CHD6: variants seen among roughly 807,000 people sequenced by gnomAD.
CHD6 encodes the protein chromodomain helicase DNA binding protein 6.
Under a neutral mutation model 276.9 loss-of-function variants are expected in CHD6, and 50 were observed. The ratio of observed to expected loss-of-function variants is 0.18; its 90% CI spans 0.14 to 0.23. CHD6 has a LOEUF of 0.23. Ranked by LOEUF, CHD6 falls within the 10% of genes least tolerant of loss-of-function variation. The pLI is 1.00. For synonymous variants in CHD6, 1,173 were observed against 1,229.3 expected (o/e 0.95, Z 0.96); for missense variants, 2,564 against 3,365.8 (o/e 0.76, Z 5.89).
At chr20:41,476,050 A>G (rs1218000416) in intron 16 of CHD6, among the ~76,000 whole-genome samples, 2 of 152,278 alleles carry the variant, frequency 1.3e-5, no homozygotes, top group East Asian at 1.9e-4. Context: ...TTTGAGCCAG[A>G]TCCTCTGGCC....
chr20:41,420,749 A>G lies in CHD6; in HGVS notation c.5886T>C (p.Ala1962=). ...NDEFEIEKPK[A]YIPDLFKSKT... ...TACTTTTGAACAGATCTGGGATATA[A>G]GCCTTGGGTTTCTCGATTTCAAATT... Residue 1962 remains alanine, a synonymous_variant, in exon 31 of 37, where the codon GCT becomes GCC. Coordinates refer to ENST00000373233, the MANE Select transcript of CHD6 (RefSeq NM_032221.5). The G allele has an allele frequency of 6.2e-7, 1 of 1,614,224 alleles. No homozygotes were observed.
Position 41,421,275 on chromosome 20 carries a change from T to G in CHD6, c.5360A>C (p.Glu1787Ala). The change falls in exon 31 of 37, where the codon GAA (glutamate) becomes GCA (alanine). Residue 1787 changes from glutamate (E) to alanine (A), a missense_variant. Around this residue, in one of 7 missense-constraint regions of CHD6, gnomAD observed 1,024 missense variants for 1,047.9 expected, o/e 0.98. Coordinates refer to ENST00000373233, the MANE Select transcript of CHD6 (RefSeq NM_032221.5). ...TGCCTCACTGCAGCAGAGCTCCCCTTCCTTTGAAATAGACATCAACAAATG... is the reference window on the plus strand; with the variant it reads ...TGCCTCACTGCAGCAGAGCTCCCCTGCCTTTGAAATAGACATCAACAAATG... ...GKHLLMSISK[E>A]GELCCSEAGQ... 6.2e-7 allele frequency: 1 copy of G among 1,614,104 alleles called. No homozygotes were observed. Among genetic ancestry groups the G allele is most frequent in the Non-Finnish European group, 8.5e-7 (1 of 1,180,026 alleles).
intron 1 of CHD6, among the ~76,000 whole-genome samples, chr20:41,611,683 C>T (rs1568733513): frequency 6.6e-6 from 1 of 151,854 alleles, no homozygotes; most frequent in Non-Finnish European, 1.5e-5. Context: ...AGTGCGATGG[C>T]GTGATCTCAG....
chr20:41,554,572 A>G (rs1402006622), intron 1 of CHD6, among the ~76,000 whole-genome samples: 1 of 151,058 alleles, frequency 6.6e-6, no homozygotes, highest in Non-Finnish European at 1.5e-5. Flanking sequence ...GGTATTTGAG[A>G]TTAGGGAGTG....
At position 41,417,236 on chromosome 20, in the gene CHD6, G is replaced by A; in HGVS notation, c.6241C>T (p.Gln2081Ter). Reference sequence around the variant, plus strand: ...GAGAAGGAATAGAGAGTTTTCTCCTGTAGCAGCTGAGCAATAGTGGGAGCT... The same window carrying A: ...GAGAAGGAATAGAGAGTTTTCTCCTATAGCAGCTGAGCAATAGTGGGAGCT... ...ARAPTIAQLL[Q>*]EKTLYSFSEW... Residue 2081 changes from glutamine to a stop codon, truncating the protein, a stop_gained, in exon 32 of 37, where the codon CAG (glutamine) becomes TAG (stop). Coordinates refer to ENST00000373233, the MANE Select transcript of CHD6 (RefSeq NM_032221.5). LOFTEE classifies it high-confidence loss of function. 6.2e-7 allele frequency: 1 copy of A among 1,614,128 alleles called. No homozygotes were observed. Among genetic ancestry groups the A allele is most frequent in the Non-Finnish European group, 8.5e-7 (1 of 1,180,004 alleles).
At chr20:41,414,938 G>T in intron 34 of CHD6, 3 of 1,353,920 alleles carry the variant, frequency 2.2e-6, no homozygotes, top group Non-Finnish European at 2.8e-6. Context: ...GAGCGGGGTT[G>T]TTCCTATTTG....
chr20:41,426,100 G>T lies in CHD6; in HGVS notation c.4122C>A (p.Ser1374Arg). The T allele has an allele frequency of 6.2e-7, 1 of 1,609,870 alleles. No homozygotes were observed. The highest frequency in any genetic ancestry group is 8.5e-7 in the Non-Finnish European group (1 of 1,176,148). Residue 1374 changes from serine (S) to arginine (R), a missense_variant, in exon 28 of 37, where the codon AGC (serine) becomes AGA (arginine). By Grantham distance (110) the Ser-to-Arg change is moderately radical. Around this residue, in one of 7 missense-constraint regions of CHD6, gnomAD observed 515 missense variants for 739.5 expected, o/e 0.70. Coordinates refer to ENST00000373233, the MANE Select transcript of CHD6 (RefSeq NM_032221.5). Reference sequence around the variant, plus strand: ...AGAAGGACATAGTCTCACCTGCCCGGCTGTCATCCTTCTTTTCGCTAAAAA... The same window carrying T: ...AGAAGGACATAGTCTCACCTGCCCGTCTGTCATCCTTCTTTTCGCTAAAAA... ...DGVFSEKKDD[S>R]RAAQDGSDPD... is the part of the protein sequence containing the mutation.
At chr20:41,556,162 G>T (rs1038891337) in intron 1 of CHD6, among the ~76,000 whole-genome samples, 1 of 152,170 alleles carries the variant, frequency 6.6e-6, no homozygotes, top group South Asian at 2.1e-4. Context: ...TGAGGCAGGA[G>T]AATCAGGCAG....
In CHD6 at chr20:41,590,349, C is replaced by T. The variant is rs906516076; in HGVS notation, c.-24+27991G>A. Among the ~76,000 whole-genome samples, 217 of 152,166 alleles carry T rather than the reference C, an allele frequency of 1.4e-3. 2 individuals are homozygous for T. The highest frequency in any genetic ancestry group is 5.1e-3 in the African/African-American group (211 of 41,506). On this transcript the variant is annotated intron_variant, in intron 1 of 36. Transcript: ENST00000373233. ...ACACCAAAAGCAATGGCAACAAAAG[C>T]CAAAATTGACAAATGGGAAGTAATT...
At chr20:41,534,561 AGAAAG>A in intron 2 of CHD6, among the ~76,000 whole-genome samples, 1 of 149,728 alleles carries the variant, frequency 6.7e-6, no homozygotes. Flanking sequence ...AAAAGATGAA[AGAAAG>A]GAAAGATTTT....
chr20:41,485,944 TA>T (rs1246370657), intron 14 of CHD6: 4 of 152,122 alleles, frequency 2.6e-5, no homozygotes, highest in Non-Finnish European at 4.4e-5. Context: ...TTTTGTCGAT[TA>T]AAAAAATAAA....
chr20:41,510,995 T>C (rs181165578), intron 5 of CHD6, among the ~76,000 whole-genome samples: 19 of 152,334 alleles, frequency 1.2e-4, no homozygotes, highest in South Asian at 4.1e-4. Flanking sequence ...AAATCAACTG[T>C]TATATGCTAG....
intron 18 of CHD6, 38 bp downstream of exon 18, chr20:41,457,226 T>C (rs1445408260): frequency 6.3e-7 from 1 of 1,591,870 alleles, no homozygotes; most frequent in East Asian, 2.3e-5. Context: ...GTGCGACCAA[T>C]GTTCCTTAAG....
At chr20:41,542,223 A>G (rs2044956449) in intron 2 of CHD6, among the ~76,000 whole-genome samples, 1 of 152,230 alleles carries the variant, frequency 6.6e-6, no homozygotes. Flanking sequence ...TAGGACAAGT[A>G]GATGCTGAAC....
intron 1 of CHD6, among the ~76,000 whole-genome samples, chr20:41,605,767 C>CAAAA (rs11467155): frequency 0.39 from 58,697 of 151,636 alleles, 14,231 homozygotes; most frequent in African/African-American, 0.67. Context: ...GTAAAATTGA[C>CAAAA]AAAATTTCAT....
intron 31 of CHD6, 77 bp downstream of exon 31, chr20:41,420,429 ACT>A (rs2047147014): frequency 6.9e-7 from 1 of 1,445,256 alleles, no homozygotes; most frequent in Non-Finnish European, 9.3e-7. Flanking sequence ...AATATGAAGC[ACT>A]CTCTCCCCTA....
Position 41,533,130 on chromosome 20 carries a change from C to G in CHD6, c.474G>C (p.Arg158=). ...TGGCCTCCTTGGTGCCCGAGGCCTC[C>G]CGGGGCTTCCGTGCCTTCTTTGCCC... ...KDGAKKARKP[R]EASGTKEAKE... is the part of the protein sequence containing the mutation. Residue 158 remains arginine, a synonymous_variant, in exon 3 of 37, where the codon CGG becomes CGC. Coordinates refer to ENST00000373233, the MANE Select transcript of CHD6 (RefSeq NM_032221.5). 1 of 1,614,204 alleles carries G rather than the reference C, an allele frequency of 6.2e-7. No homozygotes were observed. Among genetic ancestry groups the G allele is most frequent in the South Asian group, 1.1e-5 (1 of 91,084 alleles).
chr20:41,427,360 C>T (rs190561089), intron 27 of CHD6, among the ~76,000 whole-genome samples: 1 of 152,218 alleles, frequency 6.6e-6, no homozygotes, highest in South Asian at 2.1e-4. Flanking sequence ...GCTAATATTA[C>T]GGAGAACTAC....
Position 41,457,409 on chromosome 20 carries a change from C to T in CHD6, c.2684G>A (p.Arg895His), listed in dbSNP as rs2048408777. The T allele has an allele frequency of 6.2e-7, 1 of 1,612,782 alleles. No individual in the cohort carries two copies. The highest frequency in any genetic ancestry group is 1.1e-5 in the South Asian group (1 of 91,014). Residue 895 changes from arginine (R) to histidine (H), a missense_variant, in exon 18 of 37, where the codon CGC becomes CAC. Coordinates refer to ENST00000373233, the MANE Select transcript of CHD6 (RefSeq NM_032221.5). ...NDLQAQARCH[R>H]IGQSKAVKVY... ...CTTCACAGCTTTGCTCTGGCCTATGCGGTGACATCGGGCCTGAGCCTGGGA... is the reference window on the plus strand; with the variant it reads ...CTTCACAGCTTTGCTCTGGCCTATGTGGTGACATCGGGCCTGAGCCTGGGA...
Sources: allele counts gnomAD v4.1 joint callset (sites outside exome capture counted in the v4.1 genomes callset), GRCh38; gene constraint gnomAD v4.1.1; regional missense constraint gnomAD v4.1.1; transcripts MANE v1.5; gene names NCBI Gene and HGNC (gene_info 2026-07-23, HGNC 2026-07-21).